Variants in PRKD2 observed in about 807,000 individuals in gnomAD.
PRKD2 encodes protein kinase D2, also known as serine/threonine-protein kinase D2.
In PRKD2, 22 loss-of-function variants were observed where a neutral mutation model predicts 86.0. The observed-to-expected ratio is 0.26, with a 90% CI of 0.18 to 0.37. The LOEUF (loss-of-function observed/expected upper bound fraction) is 0.37. Among genes scored for constraint, PRKD2 ranks in the 10% least tolerant of loss-of-function variants. The pLI, the probability that PRKD2 is intolerant of heterozygous loss-of-function variation, is 1.00. For synonymous variants in PRKD2, 509 were observed against 510.9 expected (o/e 1.00, Z 0.05); for missense variants, 818 against 1,199.2 (o/e 0.68, Z 4.70).
Position 46,695,718 on chromosome 19 carries a change from G to A in PRKD2, c.1317+1439C>T, listed in dbSNP as rs373470570. Reference sequence around the variant, plus strand: ...GCACAGGGACTATGGGGTGGGAAACGTGTCAAAAGAGGAAGGAGGGAGGTA... The same window carrying A: ...GCACAGGGACTATGGGGTGGGAAACATGTCAAAAGAGGAAGGAGGGAGGTA... On this transcript the variant is annotated intron_variant, in intron 9 of 17. Transcript: ENST00000291281. 6.6e-5 allele frequency among the ~76,000 whole-genome samples: 10 copies of A among 152,314 alleles called. No homozygotes were observed. The East Asian group carries it at 1.3e-3, about 21-fold the overall frequency.
At position 46,716,365 on chromosome 19, in the gene PRKD2, G is replaced by C; in HGVS notation, c.6C>G (p.Ala2=). The C allele has an allele frequency of 1.6e-5, 23 of 1,421,576 alleles. No individual in the cohort carries two copies. Among genetic ancestry groups the C allele is most frequent in the Non-Finnish European group, 2.0e-5 (22 of 1,087,904 alleles). 88.1% of individuals were successfully genotyped at this position (1,421,576 alleles called of 1,614,324 possible). M[A]TAPSYPAGLP... ...GCCCGGCGGGATAAGAGGGGGCGGTGGCCATGGGGGGAGGCCGGGGACCGG... is the reference window on the plus strand; with the variant it reads ...GCCCGGCGGGATAAGAGGGGGCGGTCGCCATGGGGGGAGGCCGGGGACCGG... The change falls in exon 1 of 18, where the codon GCC becomes GCG. Residue 2 remains alanine (A), a synonymous_variant. Coordinates refer to ENST00000291281, the MANE Select transcript of PRKD2 (RefSeq NM_016457.5). This position sits in a 1 kb window ranked among gnomAD's most constrained non-coding sequence, Gnocchi z 7.9.
chr19:46,716,078 G>A lies in PRKD2; in HGVS notation c.240+53C>T, dbSNP rs190853109. 6.4e-4 allele frequency: 1,013 copies of A among 1,591,848 alleles called. 16 individuals carry two copies. The East Asian group carries it at 0.018, about 28-fold the overall frequency. On this transcript the variant is annotated intron_variant, in intron 1 of 17. Coordinates refer to ENST00000291281, the MANE Select transcript of PRKD2 (RefSeq NM_016457.5). This position sits in a 1 kb window ranked among gnomAD's most constrained non-coding sequence, Gnocchi z 7.9. ...CCAGGCCCCAGACCCCTCTGCCAGC[G>A]CCCCCTCCTTCAACCTCTCCCCGAG...
At chr19:46,697,064 G>T (rs1187720123) in intron 9 of PRKD2, 93 bp downstream of exon 9, 2 of 1,045,062 alleles carry the variant, frequency 1.9e-6, no homozygotes, top group East Asian at 2.4e-5. Flanking sequence ...TGATTTGCAG[G>T]ATCTGTCTGG....
Position 46,704,373 on chromosome 19 carries a change from G to A in PRKD2, c.685C>T (p.Leu229Phe), listed in dbSNP as rs769193163. Reference sequence around the variant, plus strand: ...GATGACGGGGGACGGCGAGGCAGGAGTTCGGTGGTGCTACGGCTCTGTCGT... The same window carrying A: ...GATGACGGGGGACGGCGAGGCAGGAATTCGGTGGTGCTACGGCTCTGTCGT... ...AEELSRSTTE[L>F]LPRRPPSSSS... The change falls in exon 5 of 18, where the codon CTC becomes TTC. Residue 229 changes from leucine to phenylalanine, a missense_variant. By Grantham distance (22) the Leu-to-Phe change is conservative (BLOSUM62 0). Transcript: ENST00000291281. 6.2e-7 allele frequency: 1 copy of A among 1,614,068 alleles called. No individual in the cohort carries two copies. Among genetic ancestry groups the A allele is most frequent in the South Asian group, 1.1e-5 (1 of 91,090 alleles).
chr19:46,686,596 G>T (rs920977757), intron 14 of PRKD2, among the ~76,000 whole-genome samples: 5 of 151,664 alleles, frequency 3.3e-5, no homozygotes, highest in Non-Finnish European at 7.4e-5. Context: ...AGGCTGCAGT[G>T]AACTATGATT....
intron 3 of PRKD2, 22 bp from the exon 4 acceptor site, chr19:46,704,671 A>G (rs747435827): frequency 3.2e-6 from 5 of 1,579,908 alleles, no homozygotes; most frequent in Non-Finnish European, 4.3e-6. Flanking sequence ...GCCAGAGAGT[A>G]AGAGACATGG....
rs576075935 is a variant in PRKD2, at chr19:46,701,246, G to T, written c.890-134C>A. 7.5e-6 allele frequency: 7 copies of T among 938,860 alleles called. No homozygotes were observed. The East Asian group carries it at 1.3e-4, about 17-fold the overall frequency. The allele number at this position is 938,860 out of a possible 1,614,324, so 58.2% of individuals were successfully genotyped here. A position where few individuals can be genotyped will look rare whatever the true frequency, so the allele number is the denominator to read the frequency against. On this transcript the variant is annotated intron_variant, in intron 5 of 17. Coordinates refer to ENST00000291281, the MANE Select transcript of PRKD2 (RefSeq NM_016457.5). Reference sequence around the variant, plus strand: ...CTGGGTAAGAACACTGGCTGCTGCTGCCCTGGTCATTTTCCCACTTTCAGC... The same window carrying T: ...CTGGGTAAGAACACTGGCTGCTGCTTCCCTGGTCATTTTCCCACTTTCAGC...
At position 46,700,843 on chromosome 19, in the gene PRKD2, G is replaced by A. The variant is rs1197282710; in HGVS notation, c.1077C>T (p.Leu359=). The change falls in exon 7 of 18, where the codon CTC becomes CTT. Residue 359 remains leucine (L), a synonymous_variant. Coordinates refer to ENST00000291281, the MANE Select transcript of PRKD2 (RefSeq NM_016457.5). ...CGCCTTCCTCCTCCTCACTGGCGTGGAGCGCATTCTCTGAGTGGGAGCCAG... is the reference window on the plus strand; with the variant it reads ...CGCCTTCCTCCTCCTCACTGGCGTGAAGCGCATTCTCTGAGTGGGAGCCAG... The part of the protein sequence containing the change: ...VIPGSHSENA[L]HASEEEEGEG... 3.1e-6 allele frequency: 5 copies of A among 1,614,226 alleles called. No homozygotes were observed. Among genetic ancestry groups the A allele is most frequent in the Non-Finnish European group, 4.2e-6 (5 of 1,180,032 alleles).
intron 7 of PRKD2, among the ~76,000 whole-genome samples, chr19:46,698,975 AC>A (rs1222884611): frequency 2.0e-5 from 3 of 152,074 alleles, no homozygotes; most frequent in African/African-American, 7.2e-5. Flanking sequence ...CCCAGGAAAG[AC>A]GTGGGAGAAA....
At chr19:46,675,195 C>G in intron 16 of PRKD2, 77 bp from the exon 17 acceptor site, 14 of 1,275,810 alleles carry the variant, frequency 1.1e-5, no homozygotes, top group Non-Finnish European at 1.6e-5. Flanking sequence ...CCCTAGCCTA[C>G]CTGCCTGCCA....
chr19:46,696,739 G>A (rs910497900), intron 9 of PRKD2, among the ~76,000 whole-genome samples: 6 of 152,154 alleles, frequency 3.9e-5, no homozygotes, highest in Admixed American at 6.5e-5. Context: ...GGGCGACAGA[G>A]TGAGACTCTG....
rs925170533 is a variant in PRKD2 at position 46,716,546 on chromosome 19, G to A, written c.-176C>T. 3 of 491,666 alleles carry A rather than the reference G, an allele frequency of 6.1e-6. No homozygotes were observed. Among genetic ancestry groups the A allele is most frequent in the Non-Finnish European group, 1.1e-5 (3 of 281,846 alleles). The allele number at this position is 491,666 out of a possible 1,614,324, so 30.5% of individuals were successfully genotyped here. A position where few individuals can be genotyped will look rare whatever the true frequency, so the allele number is the denominator to read the frequency against. ...GAGGATGGCGGGGTCCTGGGAAGGA[G>A]AGAAAGGCACTATAGTGGGTCAGAG... On this transcript the variant is annotated 5_prime_UTR_variant, in exon 1 of 18. Transcript: ENST00000291281. The surrounding 1 kb of genome is among the most constrained non-coding windows in gnomAD (Gnocchi z 7.9).
intron 14 of PRKD2, among the ~76,000 whole-genome samples, chr19:46,686,946 G>A (rs1403213259): frequency 6.6e-5 from 10 of 151,206 alleles, no homozygotes; most frequent in South Asian, 2.1e-4. Flanking sequence ...GCAAGACTCC[G>A]TCTCAAAAAA....
Position 46,675,037 on chromosome 19 carries a change from A to G in PRKD2, c.2420T>C (p.Leu807Ser). ...SVDKSLSHPWLQEYQTWLDLR... is the reference protein window; with the variant it reads ...SVDKSLSHPWSQEYQTWLDLR... Reference sequence around the variant, plus strand: ...CAGCCCTGCCCCCTGCATCACCTGTAACCAGGGGTGGCTGAGAGATTTGTC... The same window carrying G: ...CAGCCCTGCCCCCTGCATCACCTGTGACCAGGGGTGGCTGAGAGATTTGTC... Residue 807 changes from leucine to serine, a missense_variant, in exon 17 of 18, where the codon TTA becomes TCA. Leu to Ser is a moderately radical substitution (Grantham distance 145, BLOSUM62 -2). This residue lies in a region of PRKD2 where 132 missense variants were observed against 146.2 expected (regional missense o/e 0.90). Coordinates refer to ENST00000291281, the MANE Select transcript of PRKD2 (RefSeq NM_016457.5). 6.2e-7 allele frequency: 1 copy of G among 1,607,156 alleles called. No homozygotes were observed. Among genetic ancestry groups the G allele is most frequent in the Non-Finnish European group, 8.5e-7 (1 of 1,176,078 alleles).
chr19:46,716,419 G>T lies in PRKD2; in HGVS notation c.-49C>A. On this transcript the variant is annotated 5_prime_UTR_variant, in exon 1 of 18. Transcript: ENST00000291281. The surrounding 1 kb of genome is among the most constrained non-coding windows in gnomAD (Gnocchi z 7.9). ...CCTGGAGCCCACCCGGGACCCGGCC[G>T]GGGGGCCCCGGGGGACCCTGGGTTC... The T allele has an allele frequency of 1.7e-6, 2 of 1,162,692 alleles. No individual in the cohort carries two copies. Among genetic ancestry groups the T allele is most frequent in the Non-Finnish European group, 2.3e-6 (2 of 869,880 alleles). 72.0% of individuals were successfully genotyped at this position (1,162,692 alleles called of 1,614,324 possible).
intron 2 of PRKD2, among the ~76,000 whole-genome samples, chr19:46,713,271 C>T (rs1013167242): frequency 9.3e-5 from 14 of 150,928 alleles, no homozygotes; most frequent in Non-Finnish European, 1.6e-4. Context: ...CAGCGATCCT[C>T]CCACCTCAGC....
At chr19:46,687,838 G>A (rs1462576639) in intron 14 of PRKD2, among the ~76,000 whole-genome samples, 1 of 152,034 alleles carries the variant, frequency 6.6e-6, no homozygotes, top group Non-Finnish European at 1.5e-5. Context: ...CTGAATGAAT[G>A]AATGAGAGAA....
intron 14 of PRKD2, among the ~76,000 whole-genome samples, chr19:46,682,700 T>TG (rs1288137884): frequency 8.2e-6 from 1 of 122,666 alleles, no homozygotes; most frequent in African/African-American, 3.2e-5. Context: ...TATGTGATTC[T>TG]ATTTTTTTTT....
Position 46,693,895 on chromosome 19 carries a change from G to A in PRKD2, c.1556C>T (p.Ala519Val). 1 of 1,603,758 alleles carries A rather than the reference G, an allele frequency of 6.2e-7. No individual in the cohort carries two copies. The highest frequency in any genetic ancestry group is 8.5e-7 in the Non-Finnish European group (1 of 1,176,058). ...CTTACTGTGGGGCGCGTGGCCTGGG[G>A]CGCTGGGTGCGTCCTGAAGGATGAC... is the stretch of plus-strand genomic sequence containing the variant. ...MPVILQDAPS[A>V]PGHAPHRQAS... The change falls in exon 10 of 18, where the codon GCC (alanine) becomes GTC (valine). Residue 519 changes from alanine (A) to valine (V), a missense_variant. Around this residue, in one of 5 missense-constraint regions of PRKD2, gnomAD observed 154 missense variants for 359.6 expected, o/e 0.43. Coordinates refer to ENST00000291281, the MANE Select transcript of PRKD2 (RefSeq NM_016457.5). This position sits in a 1 kb window ranked among gnomAD's most constrained non-coding sequence, Gnocchi z 4.5.
Sources: allele counts gnomAD v4.1 joint callset (sites outside exome capture counted in the v4.1 genomes callset), GRCh38; gene constraint gnomAD v4.1.1; regional missense constraint gnomAD v4.1.1; non-coding constraint Gnocchi (gnomAD v3.1); transcripts MANE v1.5; gene names NCBI Gene and HGNC (gene_info 2026-07-23, HGNC 2026-07-21).